GRID2: variants seen among roughly 807,000 people sequenced by gnomAD.
The protein encoded by GRID2 is glutamate ionotropic receptor delta type subunit 2, also known as glutamate receptor ionotropic, delta-2.
A neutral mutation model predicts 114.8 loss-of-function variants in GRID2; 33 were observed. The ratio of observed to expected loss-of-function variants is 0.29; its 90% CI spans 0.22 to 0.38. GRID2 has a LOEUF of 0.38. Among genes scored for constraint, GRID2 ranks in the 10% least tolerant of loss-of-function variants. GRID2 has a pLI of 1.00. For missense variants in GRID2, 1,184 were observed against 1,257.7 expected (o/e 0.94, Z 0.89); for synonymous variants, 505 against 449.9 (o/e 1.12, Z -1.55).
At chr4:93,676,317 A>G (rs562654540) in intron 14 of GRID2, among the ~76,000 whole-genome samples, 1 of 152,350 alleles carries the variant, frequency 6.6e-6, no homozygotes, top group Admixed American at 6.5e-5. Flanking sequence ...GAAAAAATTT[A>G]TTAGCTTCAA....
chr4:92,492,526 C>A (rs1327599186), intron 1 of GRID2, among the ~76,000 whole-genome samples: 1 of 152,162 alleles, frequency 6.6e-6, no homozygotes, highest in Non-Finnish European at 1.5e-5. Flanking sequence ...TCCATTAGAA[C>A]ATCCTTTCAG....
chr4:92,611,092 A>ATG (rs1400349996), intron 2 of GRID2, among the ~76,000 whole-genome samples: 2 of 135,216 alleles, frequency 1.5e-5, no homozygotes, highest in African/African-American at 2.6e-5. Context: ...GTGTATATAT[A>ATG]TGTGTGTGTG....
At chr4:92,934,816 G>T (rs1184843346) in intron 2 of GRID2, among the ~76,000 whole-genome samples, 1 of 146,940 alleles carries the variant, frequency 6.8e-6, no homozygotes, top group Non-Finnish European at 1.5e-5. Context: ...AAATGGTGCT[G>T]GGAAAACTGA....
intron 2 of GRID2, among the ~76,000 whole-genome samples, chr4:92,910,472 T>A (rs1202304201): frequency 6.6e-6 from 1 of 152,164 alleles, no homozygotes; most frequent in Non-Finnish European, 1.5e-5. Flanking sequence ...TTATTTGATT[T>A]AAAAAATAAT....
chr4:93,078,838 T>C (rs1729600936), intron 2 of GRID2, among the ~76,000 whole-genome samples: 1 of 87,462 alleles, frequency 1.1e-5, no homozygotes, highest in African/African-American at 3.9e-5. Flanking sequence ...TTATATTTAG[T>C]ATATTTACTA....
At chr4:92,938,083 AT>A (rs1256262768) in intron 2 of GRID2, among the ~76,000 whole-genome samples, 3 of 146,694 alleles carry the variant, frequency 2.0e-5, no homozygotes, top group African/African-American at 7.3e-5. Context: ...AATGCTCTTT[AT>A]GCATGAACTG....
chr4:93,458,943 G>A (rs747733409), intron 11 of GRID2, among the ~76,000 whole-genome samples: 17 of 151,964 alleles, frequency 1.1e-4, no homozygotes, highest in Non-Finnish European at 1.9e-4. Context: ...ACTTTGGGAG[G>A]CCGAGGCAGG....
intron 1 of GRID2, among the ~76,000 whole-genome samples, chr4:92,334,208 A>G (rs918992683): frequency 6.6e-6 from 1 of 152,192 alleles, no homozygotes; most frequent in Non-Finnish European, 1.5e-5. Context: ...TTTGCCATCC[A>G]TATTTCCACC....
chr4:93,638,066 A>T (rs1719196199), intron 14 of GRID2, among the ~76,000 whole-genome samples: 1 of 152,146 alleles, frequency 6.6e-6, no homozygotes, highest in Admixed American at 6.5e-5. Context: ...AGTCTAACAT[A>T]AGCTCTAACG....
intron 2 of GRID2, among the ~76,000 whole-genome samples, chr4:92,591,334 A>G (rs1465437672): frequency 6.6e-6 from 1 of 152,206 alleles, no homozygotes; most frequent in Non-Finnish European, 1.5e-5. Context: ...AACTGTAAGC[A>G]ATAAATTTAT....
chr4:92,716,926 A>G (rs1385904997), intron 2 of GRID2, among the ~76,000 whole-genome samples: 1 of 152,208 alleles, frequency 6.6e-6, no homozygotes, highest in Non-Finnish European at 1.5e-5. Flanking sequence ...ATATCTCCAG[A>G]GCAAAAGTGG....
rs1747668524 is a variant in GRID2 at position 92,902,730 on chromosome 4, C to T, written c.245-182265C>T. 2.0e-5 allele frequency among the ~76,000 whole-genome samples: 3 copies of T among 152,010 alleles called. No individual in the cohort carries two copies. In the South Asian group the frequency reaches 6.2e-4, roughly 31 times the overall value. On this transcript the variant is annotated intron_variant, in intron 2 of 15. Coordinates refer to ENST00000282020, the MANE Select transcript of GRID2 (RefSeq NM_001510.4). ...ACATGGCAGTCCAATATTCCCAGTACCGTTTATTGAATAGGGTGTAATTCT... is the reference window on the plus strand; with the variant it reads ...ACATGGCAGTCCAATATTCCCAGTATCGTTTATTGAATAGGGTGTAATTCT...
At chr4:92,466,557 TA>T (rs1721761195) in intron 1 of GRID2, among the ~76,000 whole-genome samples, 2 of 151,896 alleles carry the variant, frequency 1.3e-5, no homozygotes, top group South Asian at 4.1e-4. Flanking sequence ...AAGTTAAAAA[TA>T]AAAAAATTCT....
In GRID2 at chr4:93,769,341, T is replaced by C; in HGVS notation, c.2492T>C (p.Phe831Ser). The C allele has an allele frequency of 6.2e-7, 1 of 1,614,040 alleles. No homozygotes were observed. The highest frequency in any genetic ancestry group is 1.3e-5 in the African/African-American group (1 of 75,022). ...QKGGALDIKS[F>S]AGVFCILAAG... ...GGAGGCGCCCTGGACATAAAGAGCT[T>C]TGCAGGGGTCTTTTGTATCCTGGCT... is the stretch of plus-strand genomic sequence containing the variant. Residue 831 changes from phenylalanine (F) to serine (S), a missense_variant, in exon 15 of 16, where the codon TTT becomes TCT. Coordinates refer to ENST00000282020, the MANE Select transcript of GRID2 (RefSeq NM_001510.4).
chr4:93,698,009 A>G (rs1449454196), intron 14 of GRID2, among the ~76,000 whole-genome samples: 2 of 151,762 alleles, frequency 1.3e-5, no homozygotes, highest in Non-Finnish European at 2.9e-5. Context: ...TATGCTTACT[A>G]TAAAAGTTTA....
At chr4:93,524,276 G>T (rs977955687) in intron 13 of GRID2, among the ~76,000 whole-genome samples, 4 of 152,054 alleles carry the variant, frequency 2.6e-5, no homozygotes, top group Admixed American at 6.6e-5. Flanking sequence ...TGCTGCATTT[G>T]CCCTTTTGCC....
In GRID2 at chr4:93,755,489, T is replaced by TA. The variant is rs1458720361; in HGVS notation, c.2361-13714dup. Reference sequence around the variant, plus strand: ...AGATCACCTCAGTTTGCTGCCTTATTAAAAAAAGATAGCTAACACTTCTAG... The same window carrying TA: ...AGATCACCTCAGTTTGCTGCCTTATTAAAAAAAAGATAGCTAACACTTCTAG... On this transcript the variant is annotated intron_variant, in intron 14 of 15. Coordinates refer to ENST00000282020, the MANE Select transcript of GRID2 (RefSeq NM_001510.4). Among the ~76,000 whole-genome samples the TA allele has an allele frequency of 3.3e-5, 5 of 152,182 alleles. No individual in the cohort carries two copies. In the East Asian group the frequency reaches 5.8e-4, roughly 18 times the overall value.
chr4:92,794,761 T>G (rs929567876), intron 2 of GRID2, among the ~76,000 whole-genome samples: 11 of 151,190 alleles, frequency 7.3e-5, no homozygotes, highest in African/African-American at 2.7e-4. Context: ...TGACACCTTG[T>G]GCAGTTGAAA....
At chr4:93,634,925 C>G (rs977917073) in intron 14 of GRID2, among the ~76,000 whole-genome samples, 3 of 136,468 alleles carry the variant, frequency 2.2e-5, no homozygotes, top group Non-Finnish European at 4.9e-5. Flanking sequence ...TCTCCTACTT[C>G]TTCCAGCTGT....
Sources: gnomAD v4.1 joint callset for allele counts (sites outside exome capture counted in the v4.1 genomes callset) on GRCh38, gnomAD v4.1.1 for gene constraint, MANE v1.5 for transcripts, NCBI Gene and HGNC (gene_info 2026-07-23, HGNC 2026-07-21) for gene names.